The following INO80D variants were observed in gnomAD, a reference collection of about 807,000 sequenced individuals.
The protein encoded by INO80D is INO80 complex subunit D.
Under a neutral mutation model 87.6 loss-of-function variants are expected in INO80D, and 21 were observed. The ratio of observed to expected loss-of-function variants is 0.24; its 90% CI spans 0.17 to 0.35. INO80D has a LOEUF of 0.35. INO80D is among the 10% of genes least tolerant of loss of function. INO80D has a pLI of 1.00. For missense variants in INO80D, 982 were observed against 1,280.7 expected (o/e 0.77, Z 3.56); for synonymous variants, 440 against 491.0 (o/e 0.90, Z 1.37).
rs1211905811 is a variant in INO80D at position 206,056,853 on chromosome 2, C to A, written c.309G>T (p.Arg103Ser). ...TAAAGGCCATGGTATCCATCTGGTG[C>A]CTGACCTTCACCTCATCTATAGGAT... Reference protein sequence around the residue: ...KNDPIDEVKVRHQMDTMAFSL... With the variant: ...KNDPIDEVKVSHQMDTMAFSL... The change falls in exon 4 of 11, where the codon AGG becomes AGT. Residue 103 changes from arginine (R) to serine (S), a missense_variant. Coordinates refer to ENST00000403263, the MANE Select transcript of INO80D (RefSeq NM_017759.5). 1 of 1,611,558 alleles carries A rather than the reference C, an allele frequency of 6.2e-7. No individual in the cohort carries two copies. Among genetic ancestry groups the A allele is most frequent in the Non-Finnish European group, 8.5e-7 (1 of 1,178,750 alleles).
chr2:206,010,105 T>C (rs1559431244), intron 8 of INO80D, among the ~76,000 whole-genome samples: 1 of 130,934 alleles, frequency 7.6e-6, no homozygotes, highest in Non-Finnish European at 1.8e-5. Flanking sequence ...ACGGTTCCAG[T>C]TCTTTGTACT....
At chr2:206,036,327 T>C (rs1688892580) in intron 5 of INO80D, among the ~76,000 whole-genome samples, 1 of 152,136 alleles carries the variant, frequency 6.6e-6, no homozygotes, top group Non-Finnish European at 1.5e-5. Flanking sequence ...TGCAAAATCA[T>C]GGAACCAACC....
At chr2:206,044,714 A>G (rs967908464) in intron 5 of INO80D, among the ~76,000 whole-genome samples, 10 of 152,204 alleles carry the variant, frequency 6.6e-5, no homozygotes, top group African/African-American at 1.9e-4. Context: ...AATCAATAGC[A>G]TATACTCCCT....
intron 1 of INO80D, among the ~76,000 whole-genome samples, chr2:206,068,773 C>G (rs572731896): frequency 3.4e-4 from 51 of 152,140 alleles, no homozygotes; most frequent in African/African-American, 1.2e-3. Flanking sequence ...AATCACCACT[C>G]ACTGCACCCT....
intron 4 of INO80D, among the ~76,000 whole-genome samples, chr2:206,050,152 T>G (rs1186324608): frequency 1.3e-5 from 2 of 150,932 alleles, no homozygotes; most frequent in African/African-American, 4.9e-5. Flanking sequence ...AAAAAAAAAT[T>G]TAAAAGGCTG....
chr2:206,023,827 A>G (rs967423187), intron 6 of INO80D, among the ~76,000 whole-genome samples: 4 of 152,210 alleles, frequency 2.6e-5, no homozygotes, highest in Admixed American at 6.5e-5. Context: ...TCTGAAAACT[A>G]TAACAGGGTC....
At chr2:206,008,282 C>CT (rs376619981) in intron 9 of INO80D, among the ~76,000 whole-genome samples, 40,019 of 121,128 alleles carry the variant, frequency 0.33, 7,199 homozygotes, top group South Asian at 0.58. Flanking sequence ...CCATGCCTTG[C>CT]TTTTTTTTTT....
intron 1 of INO80D, among the ~76,000 whole-genome samples, 173 bp from the exon 2 acceptor site, chr2:206,063,417 T>C (rs1205176904): frequency 4.6e-5 from 7 of 152,186 alleles, no homozygotes; most frequent in Non-Finnish European, 1.5e-5. Flanking sequence ...AAACATTAAG[T>C]TGGCTGGGCG....
intron 5 of INO80D, among the ~76,000 whole-genome samples, chr2:206,035,180 C>T (rs1688860769): frequency 6.6e-6 from 1 of 151,992 alleles, no homozygotes; most frequent in African/African-American, 2.4e-5. Flanking sequence ...AAGTAATCTA[C>T]AAGTTCAACA....
chr2:206,021,602 ATTAAAGGGATACTTCTC>A (rs1317835719), intron 6 of INO80D, among the ~76,000 whole-genome samples: 3 of 152,088 alleles, frequency 2.0e-5, no homozygotes, highest in African/African-American at 7.2e-5. Context: ...AGGTCTCCAT[ATTAAAGGGATACTTCTC>A]TTTTTTTATT....
In INO80D at chr2:206,004,184, A is replaced by G; in HGVS notation, c.*184T>C. The G allele has an allele frequency of 1.6e-6, 1 of 621,418 alleles. No individual in the cohort carries two copies. The highest frequency in any genetic ancestry group is 2.8e-6 in the Non-Finnish European group (1 of 357,038). The allele number at this position is 621,418 out of a possible 1,614,324, so 38.5% of individuals were successfully genotyped here. A position where few individuals can be genotyped will look rare whatever the true frequency, so the allele number is the denominator to read the frequency against. On this transcript the variant is annotated 3_prime_UTR_variant, in exon 11 of 11. Transcript: ENST00000403263. This position sits in a 1 kb window ranked among gnomAD's most constrained non-coding sequence, Gnocchi z 4.9. ...CCAGGAGGGAATGAGCACCAGTGCT[A>G]AGGAGCACATGTGAACACTGTAGCG...
At chr2:206,052,183 T>C (rs1290040717) in intron 4 of INO80D, among the ~76,000 whole-genome samples, 1 of 152,124 alleles carries the variant, frequency 6.6e-6, no homozygotes, top group African/African-American at 2.4e-5. Flanking sequence ...CTTTTTCTCA[T>C]TCATCATCAT....
Position 206,000,636 on chromosome 2 carries a change from G to A in INO80D, c.*3732C>T, listed in dbSNP as rs932048047. ...CCACTGTGGACTGTGATCACAGATT[G>A]AGAACAAGCTCTGATAAGGAAGAGC... is the stretch of plus-strand genomic sequence containing the variant. On this transcript the variant is annotated 3_prime_UTR_variant, in exon 11 of 11. Coordinates refer to ENST00000403263, the MANE Select transcript of INO80D (RefSeq NM_017759.5). 4 of 152,074 alleles carry A rather than the reference G, an allele frequency of 2.6e-5. No homozygotes were observed. The highest frequency in any genetic ancestry group is 2.6e-4 in the Admixed American group (4 of 15,260). The allele number at this position is 152,074 out of a possible 1,614,324, so 9.4% of individuals were successfully genotyped here.
intron 5 of INO80D, among the ~76,000 whole-genome samples, chr2:206,044,150 G>A (rs985981608): frequency 1.3e-5 from 2 of 152,030 alleles, no homozygotes; most frequent in Non-Finnish European, 2.9e-5. Context: ...CTGTGATCAT[G>A]CCACTGCACT....
At chr2:206,068,812 A>C (rs989134960) in intron 1 of INO80D, among the ~76,000 whole-genome samples, 9 of 151,656 alleles carry the variant, frequency 5.9e-5, no homozygotes, top group Non-Finnish European at 1.2e-4. Flanking sequence ...CAATCCTCCC[A>C]CCTCAGCCTC....
chr2:206,010,097 G>A (rs1438787973), intron 8 of INO80D, among the ~76,000 whole-genome samples: 5 of 141,352 alleles, frequency 3.5e-5, no homozygotes, highest in South Asian at 2.3e-4. Context: ...GCACACACAC[G>A]GTTCCAGTTC....
In INO80D at chr2:205,999,914, A is replaced by G. The variant is rs993544007; in HGVS notation, c.*4454T>C. On this transcript the variant is annotated 3_prime_UTR_variant, in exon 11 of 11. Transcript: ENST00000403263. ...TTCTACAGAATGCCAGTGAAGATTC[A>G]GTTAATGTATTGGGCGGGGGGAAAC... is the stretch of plus-strand genomic sequence containing the variant. 1.3e-5 allele frequency: 2 copies of G among 152,210 alleles called. No homozygotes were observed. The highest frequency in any genetic ancestry group is 1.5e-5 in the Non-Finnish European group (1 of 68,044). 9.4% of individuals were successfully genotyped at this position (152,210 alleles called of 1,614,324 possible). A position where few individuals can be genotyped will look rare whatever the true frequency, so the allele number is the denominator to read the frequency against.
At chr2:206,054,711 A>G (rs568612493) in intron 4 of INO80D, among the ~76,000 whole-genome samples, 1 of 152,016 alleles carries the variant, frequency 6.6e-6, no homozygotes, top group Non-Finnish European at 1.5e-5. Flanking sequence ...ACAGGGTTTC[A>G]CCATGTTGGC....
At chr2:206,035,133 G>A (rs1211732773) in intron 5 of INO80D, among the ~76,000 whole-genome samples, 2 of 152,120 alleles carry the variant, frequency 1.3e-5, no homozygotes, top group Non-Finnish European at 2.9e-5. Flanking sequence ...CTCATGGACA[G>A]GTAGAATCAA....
Sources: allele counts gnomAD v4.1 joint callset (sites outside exome capture counted in the v4.1 genomes callset), GRCh38; gene constraint gnomAD v4.1.1; non-coding constraint Gnocchi (gnomAD v3.1); transcripts MANE v1.5; gene names NCBI Gene and HGNC (gene_info 2026-07-23, HGNC 2026-07-21).